GPC5: variants seen among roughly 807,000 people sequenced by gnomAD.
GPC5 encodes the protein glypican 5.
Under a neutral mutation model 53.9 loss-of-function variants are expected in GPC5, and 47 were observed. That is an observed-to-expected ratio of 0.87 (90% CI 0.69 to 1.11). The LOEUF is 1.11. GPC5 is among the 50% of genes most tolerant of loss of function. The pLI is 0.00. For missense variants in GPC5, 748 were observed against 713.1 expected, an observed-to-expected ratio of 1.05 and a Z score of -0.56; for synonymous variants, 286 against 263.3, an observed-to-expected ratio of 1.09 and a Z score of -0.84.
chr13:92,130,079 T>A (rs1195585390), intron 6 of GPC5, among the ~76,000 whole-genome samples: 1 of 152,032 alleles, frequency 6.6e-6, no homozygotes, highest in African/African-American at 2.4e-5. Context: ...CACAGATAAG[T>A]ATTCCAAGAA....
chr13:91,749,391 T>C (rs1378666230), intron 4 of GPC5, among the ~76,000 whole-genome samples: 1 of 152,240 alleles, frequency 6.6e-6, no homozygotes, highest in South Asian at 2.1e-4. Flanking sequence ...TATTCCATTG[T>C]GTATAATATA....
intron 7 of GPC5, chr13:92,659,121 G>A (rs1053305384): frequency 3.3e-5 from 5 of 150,162 alleles, no homozygotes; most frequent in Non-Finnish European, 4.4e-5. Flanking sequence ...GTAGAGACGG[G>A]GTTTCACCGT....
intron 7 of GPC5, among the ~76,000 whole-genome samples, chr13:92,351,620 T>C (rs968229842): frequency 6.6e-6 from 1 of 152,110 alleles, no homozygotes; most frequent in African/African-American, 2.4e-5. Context: ...CTACAAATTA[T>C]TTGATATAAT....
intron 6 of GPC5, among the ~76,000 whole-genome samples, chr13:91,913,409 A>C (rs1171465489): frequency 6.6e-6 from 1 of 151,750 alleles, no homozygotes; most frequent in Non-Finnish European, 1.5e-5. Context: ...AAAAAAAAAA[A>C]AGGGAAAAGA....
intron 4 of GPC5, among the ~76,000 whole-genome samples, chr13:91,734,268 G>A (rs1042444598): frequency 6.6e-6 from 1 of 151,332 alleles, no homozygotes; most frequent in Non-Finnish European, 1.5e-5. Context: ...TGTTCATCAG[G>A]GATATTGGCC....
intron 2 of GPC5, among the ~76,000 whole-genome samples, chr13:91,571,833 A>G (rs868545093): frequency 4.6e-5 from 4 of 87,214 alleles, no homozygotes; most frequent in African/African-American, 7.0e-5. Context: ...ATATATACAC[A>G]TATACTTGTG....
At chr13:92,711,107 A>G (rs1888123548) in intron 7 of GPC5, among the ~76,000 whole-genome samples, 1 of 152,220 alleles carries the variant, frequency 6.6e-6, no homozygotes, top group Non-Finnish European at 1.5e-5. Context: ...CATTTGAGTT[A>G]TACAGAAGAT....
intron 6 of GPC5, among the ~76,000 whole-genome samples, chr13:92,004,191 A>T (rs1024293333): frequency 4.6e-5 from 7 of 152,170 alleles, no homozygotes; most frequent in African/African-American, 1.4e-4. Context: ...TCATGCCTGT[A>T]ATCCTAGCAC....
intron 7 of GPC5, among the ~76,000 whole-genome samples, chr13:92,441,001 G>T (rs1877531114): frequency 1.3e-5 from 2 of 152,204 alleles, no homozygotes; most frequent in South Asian, 4.1e-4. Context: ...AATTCTGTAG[G>T]TTGTCTTTTT....
At chr13:92,684,727 T>C (rs1326978042) in intron 7 of GPC5, among the ~76,000 whole-genome samples, 1 of 152,226 alleles carries the variant, frequency 6.6e-6, no homozygotes, top group African/African-American at 2.4e-5. Context: ...TTGTGGGGCA[T>C]AAGTTTTCAA....
intron 2 of GPC5, among the ~76,000 whole-genome samples, chr13:91,457,908 A>G (rs887315386): frequency 6.6e-6 from 1 of 152,106 alleles, no homozygotes; most frequent in Non-Finnish European, 1.5e-5. Flanking sequence ...GCTTGGATGC[A>G]TGGGTGAATG....
intron 7 of GPC5, among the ~76,000 whole-genome samples, chr13:92,428,913 A>C (rs1876960849): frequency 6.6e-6 from 1 of 152,120 alleles, no homozygotes; most frequent in Non-Finnish European, 1.5e-5. Flanking sequence ...ATTTCCCTCC[A>C]CATGTAAAAG....
chr13:91,894,656 A>G (rs1403963527), intron 5 of GPC5, among the ~76,000 whole-genome samples: 2 of 152,194 alleles, frequency 1.3e-5, no homozygotes, highest in African/African-American at 4.8e-5. Flanking sequence ...AGTGATTTTT[A>G]ATTAGTCATT....
intron 7 of GPC5, among the ~76,000 whole-genome samples, chr13:92,412,354 C>G (rs1472799929): frequency 6.6e-6 from 1 of 152,064 alleles, no homozygotes; most frequent in African/African-American, 2.4e-5. Flanking sequence ...GCCTGAGGAT[C>G]TTATGTTTTA....
intron 2 of GPC5, among the ~76,000 whole-genome samples, chr13:91,586,403 G>T (rs1223860919): frequency 6.9e-6 from 1 of 144,792 alleles, no homozygotes; most frequent in African/African-American, 2.5e-5. Context: ...CATTTATAAA[G>T]AAAGAGCTTT....
chr13:91,505,072 G>A (rs1884872592), intron 2 of GPC5, among the ~76,000 whole-genome samples: 1 of 152,200 alleles, frequency 6.6e-6, no homozygotes, highest in Admixed American at 6.5e-5. Flanking sequence ...TTTCTTACAT[G>A]CTTGTGTATA....
chr13:91,643,054 G>A lies in GPC5; in HGVS notation c.326-50133G>A, dbSNP rs143577014. On this transcript the variant is annotated intron_variant, in intron 2 of 7. Transcript: ENST00000377067. ...TTGCACTCCACTTCTTATGGTGTTC[G>A]GTTATTTTTCCGCTAGCAGTATACC... 2.3e-3 allele frequency among the ~76,000 whole-genome samples: 347 copies of A among 152,178 alleles called. 3 individuals are homozygous for A. The highest frequency in any genetic ancestry group is 7.9e-3 in the African/African-American group (329 of 41,506).
At chr13:92,394,662 A>T (rs58641638) in intron 7 of GPC5, among the ~76,000 whole-genome samples, 1,896 of 152,348 alleles carry the variant, frequency 0.012, 34 homozygotes, top group African/African-American at 0.044. Flanking sequence ...TAATATTCAT[A>T]TCATGTATAC....
At chr13:92,189,885 A>G (rs577306498) in intron 7 of GPC5, among the ~76,000 whole-genome samples, 2 of 152,320 alleles carry the variant, frequency 1.3e-5, no homozygotes, top group East Asian at 3.9e-4. Context: ...ATTTCGCAAC[A>G]GACACTTCCA....
Sources: allele counts gnomAD v4.1 joint callset (sites outside exome capture counted in the v4.1 genomes callset), GRCh38; gene constraint gnomAD v4.1.1; transcripts MANE v1.5; gene names NCBI Gene and HGNC (gene_info 2026-07-23, HGNC 2026-07-21).